Variants in MARK1 observed in about 807,000 individuals in gnomAD.
MARK1 encodes microtubule affinity regulating kinase 1, also known as serine/threonine-protein kinase MARK1.
MARK1 carries 40 observed loss-of-function variants against 96.3 expected under a neutral mutation model. That is an observed-to-expected ratio of 0.42 (90% CI 0.32 to 0.54). The LOEUF is 0.54. MARK1 is among the 20% of genes least tolerant of loss of function. MARK1 has a pLI of 0.16. For missense variants in MARK1, 719 were observed against 984.6 expected, an observed-to-expected ratio of 0.73 and a Z score of 3.61; for synonymous variants, 317 against 341.2, an observed-to-expected ratio of 0.93 and a Z score of 0.78.
chr1:220,595,559 G>A (rs1558285436), intron 3 of MARK1, among the ~76,000 whole-genome samples: 4 of 152,176 alleles, frequency 2.6e-5, no homozygotes, highest in Admixed American at 2.0e-4. Context: ...CTCAGAGTAG[G>A]CACTTGAGAG....
intron 3 of MARK1, among the ~76,000 whole-genome samples, chr1:220,582,205 A>G (rs965594756): frequency 6.6e-6 from 1 of 152,204 alleles, no homozygotes; most frequent in Non-Finnish European, 1.5e-5. Flanking sequence ...GACAACCAGT[A>G]TAACTTTTCA....
At chr1:220,570,221 TC>T (rs1045355991) in intron 1 of MARK1, among the ~76,000 whole-genome samples, 23 of 152,244 alleles carry the variant, frequency 1.5e-4, no homozygotes, top group African/African-American at 5.5e-4. Context: ...GTGTGGTGTT[TC>T]CTGGGAAGTG....
At chr1:220,603,311 G>T (rs1350809106) in intron 5 of MARK1, among the ~76,000 whole-genome samples, 1 of 152,012 alleles carries the variant, frequency 6.6e-6, no homozygotes, top group Non-Finnish European at 1.5e-5. Flanking sequence ...TTACAGACAT[G>T]TAAAGTAATG....
chr1:220,626,271 C>T lies in MARK1; in HGVS notation c.910-4764C>T, dbSNP rs190246550. 1,265 of 529,846 alleles carry T rather than the reference C, an allele frequency of 2.4e-3. 6 individuals are homozygous for T. Among genetic ancestry groups the T allele is most frequent in the Non-Finnish European group, 3.9e-3 (1,048 of 266,708 alleles). The allele number at this position is 529,846 out of a possible 1,614,324, so 32.8% of individuals were successfully genotyped here. A position where few individuals can be genotyped will look rare whatever the true frequency, so the allele number is the denominator to read the frequency against. On this transcript the variant is annotated intron_variant, in intron 9 of 17. Coordinates refer to ENST00000366917, the MANE Select transcript of MARK1 (RefSeq NM_018650.5). The stretch of plus-strand genomic sequence containing the variant: ...TGTATATTGACATTGATATTCACCA[C>T]GGCGATGGGATGGAAGAGGCCTTCT...
At chr1:220,636,628 A>G (rs1178303799) in intron 13 of MARK1, among the ~76,000 whole-genome samples, 2 of 152,140 alleles carry the variant, frequency 1.3e-5, no homozygotes, top group South Asian at 2.1e-4. Context: ...GGAAGATTTC[A>G]TTTTGAAAAG....
intron 1 of MARK1, among the ~76,000 whole-genome samples, chr1:220,553,588 A>G (rs1326804468): frequency 6.6e-6 from 1 of 152,204 alleles, no homozygotes; most frequent in South Asian, 2.1e-4. Context: ...TTATAGTGGA[A>G]TGTTGCAGTG....
intron 13 of MARK1, among the ~76,000 whole-genome samples, chr1:220,644,781 AACC>A (rs1380741760): frequency 2.6e-5 from 4 of 152,130 alleles, no homozygotes; most frequent in African/African-American, 9.7e-5. Flanking sequence ...ACACACTCAA[AACC>A]ACATAATTAC....
At chr1:220,534,973 C>A (rs182191979) in intron 1 of MARK1, among the ~76,000 whole-genome samples, 19 of 152,144 alleles carry the variant, frequency 1.2e-4, no homozygotes, top group Admixed American at 8.5e-4. Flanking sequence ...ATAAATAATA[C>A]CTCAGTAAAT....
At chr1:220,642,011 G>A (rs1034786504) in intron 13 of MARK1, among the ~76,000 whole-genome samples, 2 of 152,206 alleles carry the variant, frequency 1.3e-5, no homozygotes, top group Admixed American at 6.5e-5. Context: ...GTCAGCAGCC[G>A]TTTGGACAGG....
rs1360070140 is a variant in MARK1 at position 220,540,372 on chromosome 1, T to A, written c.51+11499T>A. ...ATAAATTTTCCGTTTTTTTTCTTTA[T>A]ATTCCAATCGGGCTCTCTCAATGGA... On this transcript the variant is annotated intron_variant, in intron 1 of 17. Transcript: ENST00000366917. Among the ~76,000 whole-genome samples, 5 of 152,222 alleles carry A rather than the reference T, an allele frequency of 3.3e-5. No homozygotes were observed. The East Asian group carries it at 9.6e-4, about 29-fold the overall frequency.
At chr1:220,611,819 G>A (rs1021086340) in intron 6 of MARK1, among the ~76,000 whole-genome samples, 1 of 151,900 alleles carries the variant, frequency 6.6e-6, no homozygotes, top group Non-Finnish European at 1.5e-5. Context: ...TGCAACCTCC[G>A]CCTCCTGGGT....
chr1:220,650,780 C>G (rs1668830388), intron 14 of MARK1, 60 bp downstream of exon 14: 2 of 1,158,494 alleles, frequency 1.7e-6, no homozygotes, highest in South Asian at 2.6e-5. Flanking sequence ...AGTGCCCTTG[C>G]TGAAATGCCT....
At chr1:220,589,513 T>G (rs1177942991) in intron 3 of MARK1, among the ~76,000 whole-genome samples, 1 of 152,206 alleles carries the variant, frequency 6.6e-6, no homozygotes, top group Non-Finnish European at 1.5e-5. Flanking sequence ...GAATTGAAGA[T>G]TGTTTACTAC....
chr1:220,634,474 A>G (rs953723636), intron 11 of MARK1, among the ~76,000 whole-genome samples: 1 of 152,196 alleles, frequency 6.6e-6, no homozygotes, highest in Middle Eastern at 3.2e-3. Flanking sequence ...TATCTATAAA[A>G]TGAGGGCAAT....
rs1357734416 is a variant in MARK1, at chr1:220,528,794, C to T, written c.-29C>T. ...CCGCACCACAGCCCGGCCGGCGAGA[C>T]CCCGGCCAGACCCCGCTGCCCGCAC... On this transcript the variant is annotated 5_prime_UTR_variant, in exon 1 of 18. Transcript: ENST00000366917. 4 of 1,546,320 alleles carry T rather than the reference C, an allele frequency of 2.6e-6. No homozygotes were observed. The highest frequency in any genetic ancestry group is 1.4e-5 in the African/African-American group (1 of 72,462).
intron 3 of MARK1, 91 bp from the exon 4 acceptor site, chr1:220,598,240 C>A: frequency 4.4e-6 from 2 of 450,128 alleles, no homozygotes; most frequent in Non-Finnish European, 8.8e-6. Flanking sequence ...ATTTTGTAAG[C>A]AGATTAATTT....
chr1:220,541,089 T>C (rs538112575), intron 1 of MARK1, among the ~76,000 whole-genome samples: 18 of 152,156 alleles, frequency 1.2e-4, no homozygotes, highest in African/African-American at 3.6e-4. Flanking sequence ...CCTGCCACCA[T>C]ACCTGGCTAA....
rs554472934 is a variant in MARK1, at chr1:220,614,331, C to G, written c.496-1608C>G. On this transcript the variant is annotated intron_variant, in intron 6 of 17. Coordinates refer to ENST00000366917, the MANE Select transcript of MARK1 (RefSeq NM_018650.5). Reference sequence around the variant, plus strand: ...CTTTTCAAATACACAGTTCCCTTGTCATTAATGCATTTCGTCACCTCCCCA... The same window carrying G: ...CTTTTCAAATACACAGTTCCCTTGTGATTAATGCATTTCGTCACCTCCCCA... Among the ~76,000 whole-genome samples the G allele has an allele frequency of 2.0e-5, 3 of 152,142 alleles. No individual in the cohort carries two copies. In the South Asian group the frequency reaches 6.2e-4, roughly 32 times the overall value.
At chr1:220,625,886 C>T (rs1667298240) in intron 9 of MARK1, 2 of 493,284 alleles carry the variant, frequency 4.1e-6, no homozygotes, top group African/African-American at 3.9e-5. Flanking sequence ...CTCCACTGAA[C>T]AATAGAAATC....
Sources: gnomAD v4.1 joint callset for allele counts (sites outside exome capture counted in the v4.1 genomes callset) on GRCh38, gnomAD v4.1.1 for gene constraint, MANE v1.5 for transcripts, NCBI Gene and HGNC (gene_info 2026-07-23, HGNC 2026-07-21) for gene names.